RERE: variants seen among roughly 807,000 people sequenced by gnomAD.
RERE encodes the protein arginine-glutamic acid dipeptide repeats protein.
A neutral mutation model predicts 146.1 loss-of-function variants in RERE; 40 were observed. The ratio of observed to expected loss-of-function variants is 0.27; its 90% CI spans 0.21 to 0.36. The LOEUF is 0.36. Ranked by LOEUF, RERE falls within the 10% of genes least tolerant of loss-of-function variation. RERE has a pLI of 1.00. For synonymous variants in RERE, 1,003 were observed against 866.0 expected (o/e 1.16, Z -2.78); for missense variants, 1,933 against 2,138.7 (o/e 0.90, Z 1.90).
At chr1:8,391,919 C>T (rs975422890) in intron 12 of RERE, among the ~76,000 whole-genome samples, 41 of 151,906 alleles carry the variant, frequency 2.7e-4, no homozygotes, top group African/African-American at 9.4e-4. Flanking sequence ...ACCAGCTACT[C>T]GGGAGGATGA....
chr1:8,526,247 G>A lies in RERE; in HGVS notation c.830+14967C>T, dbSNP rs149787074. Among the ~76,000 whole-genome samples, 467 of 151,726 alleles carry A rather than the reference G, an allele frequency of 3.1e-3. 2 individuals are homozygous for A. The highest frequency in any genetic ancestry group is 0.01 in the African/African-American group (426 of 41,358). On this transcript the variant is annotated intron_variant, in intron 7 of 22. Transcript: ENST00000400908. Reference sequence around the variant, plus strand: ...TCAGCAAGCCAAGCCACGGAGGAGCGTCAGTTAAATGCTCTCTGCTCTGTC... The same window carrying A: ...TCAGCAAGCCAAGCCACGGAGGAGCATCAGTTAAATGCTCTCTGCTCTGTC...
Position 8,805,116 on chromosome 1 carries a change from T to C in RERE, c.-145+12044A>G, listed in dbSNP as rs867906506. 1.7e-4 allele frequency among the ~76,000 whole-genome samples: 25 copies of C among 150,858 alleles called. No individual in the cohort carries two copies. In the South Asian group the frequency reaches 2.1e-3, roughly 13 times the overall value. On this transcript the variant is annotated intron_variant, in intron 1 of 22. Coordinates refer to ENST00000400908, the MANE Select transcript of RERE (RefSeq NM_001042681.2). ...ACCTCGGCCTCCCAGGTTCAAGCGA[T>C]TGTCCCGGATCCCGAGTAGCTAGGA... is the stretch of plus-strand genomic sequence containing the variant.
At chr1:8,385,993 A>AAAAAT (rs1553159741) in intron 12 of RERE, among the ~76,000 whole-genome samples, 17 of 26,476 alleles carry the variant, frequency 6.4e-4, no homozygotes, top group Non-Finnish European at 9.9e-4. Context: ...AAAAAAAAAA[A>AAAAAT]ATATATATAT....
rs60530407 is a variant in RERE, at chr1:8,766,546, C to CAA, written c.-145+50612_-145+50613dup. ...TAGGCAACACAGCAAGACTCCATTG[C>CAA]AAAAAAAAAAAAAAAAAGAAAAGAA... On this transcript the variant is annotated intron_variant, in intron 1 of 22. Transcript: ENST00000400908. 2.0e-3 allele frequency among the ~76,000 whole-genome samples: 132 copies of CAA among 65,866 alleles called. 2 individuals are homozygous for CAA. Among genetic ancestry groups the CAA allele is most frequent in the Middle Eastern group, 9.1e-3 (1 of 110 alleles). 43.2% of individuals were successfully genotyped at this position (65,866 alleles called of 152,430 possible). A position where few individuals can be genotyped will look rare whatever the true frequency, so the allele number is the denominator to read the frequency against.
Position 8,497,529 on chromosome 1 carries a change from C to G in RERE, c.880G>C (p.Ala294Pro), listed in dbSNP as rs200127123. The G allele has an allele frequency of 6.2e-7, 1 of 1,613,974 alleles. No homozygotes were observed. The change falls in exon 9 of 23, where the codon GCC becomes CCC. Residue 294 changes from alanine (A) to proline (P), a missense_variant and splice_region_variant. By Grantham distance (27) the Ala-to-Pro change is conservative. Around this residue, in one of 11 missense-constraint regions of RERE, gnomAD observed 260 missense variants for 378.4 expected, o/e 0.69. Transcript: ENST00000400908. ...AATGGTTGCAGATCTGGAAGTTTGG[C>G]CTGTAAGACAGGGATGAGTAAGTCA... ...GEIRVGPSHQ[A>P]KLPDLQPFPS...
chr1:8,451,520 A>G (rs977312209), intron 11 of RERE, among the ~76,000 whole-genome samples: 4 of 152,310 alleles, frequency 2.6e-5, no homozygotes, highest in African/African-American at 9.6e-5. Flanking sequence ...TTGGCTGCAT[A>G]TTAGTGTCCT....
chr1:8,664,148 C>T (rs894844864), intron 1 of RERE, among the ~76,000 whole-genome samples: 4 of 152,210 alleles, frequency 2.6e-5, no homozygotes, highest in African/African-American at 7.2e-5. Context: ...AAGCAATTTC[C>T]TCTCTGCAGC....
intron 1 of RERE, among the ~76,000 whole-genome samples, chr1:8,735,652 G>C (rs902332614): frequency 6.6e-6 from 1 of 152,264 alleles, no homozygotes; most frequent in East Asian, 1.9e-4. Flanking sequence ...GGTGGGGCCC[G>C]GTGGGAGGTG....
chr1:8,777,019 G>C (rs984325588), intron 1 of RERE, among the ~76,000 whole-genome samples: 1 of 152,100 alleles, frequency 6.6e-6, no homozygotes, highest in Admixed American at 6.6e-5. Context: ...TTACAGGCAT[G>C]AGCCACCACA....
intron 1 of RERE, among the ~76,000 whole-genome samples, chr1:8,732,308 T>C (rs544331016): frequency 6.6e-6 from 1 of 152,216 alleles, no homozygotes; most frequent in Non-Finnish European, 1.5e-5. Flanking sequence ...CACTGAGCAA[T>C]AAAAAGAAAT....
intron 12 of RERE, among the ~76,000 whole-genome samples, chr1:8,388,539 T>C (rs1028926725): frequency 4.6e-5 from 7 of 152,094 alleles, no homozygotes; most frequent in African/African-American, 7.2e-5. Flanking sequence ...CAGGATGGTC[T>C]CGATCTCCTG....
At chr1:8,732,476 G>T (rs1389476938) in intron 1 of RERE, among the ~76,000 whole-genome samples, 1 of 151,982 alleles carries the variant, frequency 6.6e-6, no homozygotes, top group Non-Finnish European at 1.5e-5. Context: ...ATAGTAAAAG[G>T]ACCAGTGGTT....
intron 8 of RERE, among the ~76,000 whole-genome samples, chr1:8,506,196 T>C (rs74050206): frequency 0.028 from 4,300 of 152,166 alleles, 176 homozygotes; most frequent in African/African-American, 0.098. Flanking sequence ...CTGAGTGGCA[T>C]TAGGTTGAGT....
At position 8,356,300 on chromosome 1, in the gene RERE, G is replaced by C. The variant is rs1641290240; in HGVS notation, c.4340-54C>G. 4.1e-6 allele frequency: 6 copies of C among 1,449,928 alleles called. No homozygotes were observed. In the South Asian group the frequency reaches 8.8e-5, roughly 21 times the overall value. 89.8% of individuals were successfully genotyped at this position (1,449,928 alleles called of 1,614,324 possible). A position where few individuals can be genotyped will look rare whatever the true frequency, so the allele number is the denominator to read the frequency against. On this transcript the variant is annotated intron_variant, in intron 20 of 22. Coordinates refer to ENST00000400908, the MANE Select transcript of RERE (RefSeq NM_001042681.2). The surrounding 1 kb of genome is among the most constrained non-coding windows in gnomAD (Gnocchi z 5.2). ...GGCGGTGTGCAGCTCTTCAATGTTTGTCCCCCTTGGCTGGAATGACCGATG... is the reference window on the plus strand; with the variant it reads ...GGCGGTGTGCAGCTCTTCAATGTTTCTCCCCCTTGGCTGGAATGACCGATG...
chr1:8,816,936 A>T (rs1641924237), intron 1 of RERE, among the ~76,000 whole-genome samples: 1 of 152,160 alleles, frequency 6.6e-6, no homozygotes, highest in Admixed American at 6.5e-5. Flanking sequence ...GCCAAGAGAG[A>T]GCAGGGGTCA....
chr1:8,441,141 A>C (rs999105806), intron 11 of RERE, among the ~76,000 whole-genome samples: 2 of 151,988 alleles, frequency 1.3e-5, no homozygotes, highest in African/African-American at 4.8e-5. Context: ...CAAGCTCCTA[A>C]GCTAGCCCTC....
Position 8,360,467 on chromosome 1 carries a change from G to GGGC in RERE, c.3039_3040insGCC (p.Leu1013_Pro1014insAla). On this transcript the variant is annotated inframe_insertion, in exon 18 of 23. Transcript: ENST00000400908. ...GGGGGGTGGGAGGCAGGGGGCGGGG[G>GGGC]CAGGTTCTGGCTCTGGGTCAGCCCG... is the stretch of plus-strand genomic sequence containing the variant. 1.7e-6 allele frequency: 1 copy of GGGC among 591,156 alleles called. No homozygotes were observed. Among genetic ancestry groups the GGGC allele is most frequent in the Non-Finnish European group, 2.6e-6 (1 of 379,752 alleles). The allele number at this position is 591,156 out of a possible 1,614,324, so 36.6% of individuals were successfully genotyped here.
intron 7 of RERE, among the ~76,000 whole-genome samples, chr1:8,526,867 T>C (rs1481902582): frequency 6.6e-6 from 1 of 152,216 alleles, no homozygotes; most frequent in Non-Finnish European, 1.5e-5. Context: ...TGTGCAGGCT[T>C]AGTTTCCACT....
chr1:8,701,285 A>AAC (rs1639441101), intron 1 of RERE, among the ~76,000 whole-genome samples: 1 of 93,962 alleles, frequency 1.1e-5, no homozygotes, highest in African/African-American at 4.4e-5. Context: ...GGGTGAGGGG[A>AAC]ATACACACAC....
Sources: allele counts gnomAD v4.1 joint callset (sites outside exome capture counted in the v4.1 genomes callset), GRCh38; gene constraint gnomAD v4.1.1; regional missense constraint gnomAD v4.1.1; non-coding constraint Gnocchi (gnomAD v3.1); transcripts MANE v1.5; gene names NCBI Gene and HGNC (gene_info 2026-07-23, HGNC 2026-07-21).